The following LIMS2 variants were observed in gnomAD, a reference collection of about 807,000 sequenced individuals.
LIMS2 encodes the protein LIM zinc finger domain containing 2.
LIMS2 carries 30 observed loss-of-function variants against 45.3 expected under a neutral mutation model. That is an observed-to-expected ratio of 0.66 (90% CI 0.50 to 0.90). LIMS2 has a LOEUF of 0.90. Ranked by LOEUF, LIMS2 falls within the 40% of genes least tolerant of loss-of-function variation. The probability of loss-of-function intolerance (pLI) is 0.00; values close to 1 mark genes in which losing one functional copy is unlikely to be tolerated. For missense variants in LIMS2, 485 were observed against 468.7 expected, an observed-to-expected ratio of 1.03 and a Z score of -0.32; for synonymous variants, 173 against 188.0, an observed-to-expected ratio of 0.92 and a Z score of 0.65.
Position 127,654,536 on chromosome 2 carries a change from T to G in LIMS2, c.247A>C (p.Ile83Leu). The G allele has an allele frequency of 6.2e-7, 1 of 1,614,106 alleles. No individual in the cohort carries two copies. The highest frequency in any genetic ancestry group is 8.5e-7 in the Non-Finnish European group (1 of 1,179,994). The part of the protein sequence containing the change: ...APCCGSCGEF[I>L]IGRVIKAMNN... Reference sequence around the variant, plus strand: ...ATGGCCTTGATGACGCGGCCAATGATGAACTCACCTGGAAGAAGACAGGTC... The same window carrying G: ...ATGGCCTTGATGACGCGGCCAATGAGGAACTCACCTGGAAGAAGACAGGTC... The change falls in exon 4 of 10, where the codon ATC becomes CTC. Residue 83 changes from isoleucine (I) to leucine (L), a missense_variant. By Grantham distance (5) the Ile-to-Leu change is conservative. Transcript: ENST00000355119.
rs774382617 is a variant in LIMS2, at chr2:127,640,274, G to A, written c.798C>T (p.Gly266=). 29 of 1,613,222 alleles carry A rather than the reference G, an allele frequency of 1.8e-5. No homozygotes were observed. Among genetic ancestry groups the A allele is most frequent in the East Asian group, 1.6e-4 (7 of 44,896 alleles). Residue 266 remains glycine, a synonymous_variant, in exon 8 of 10, where the codon GGC becomes GGT. Transcript: ENST00000355119. The stretch of plus-strand genomic sequence containing the variant: ...GGAGGGAACACAGGGCCTCACCATC[G>A]CCTTCAATCACATGGCTGCAGTTGT... The part of the protein sequence containing the change: ...VCYNCSHVIE[G]DVVSALNKAW...
chr2:127,675,040 G>A lies in LIMS2; in HGVS notation c.-16C>T. The A allele has an allele frequency of 8.1e-7, 1 of 1,228,894 alleles. No homozygotes were observed. The highest frequency in any genetic ancestry group is 1.0e-6 in the Non-Finnish European group (1 of 984,960). 76.1% of individuals were successfully genotyped at this position (1,228,894 alleles called of 1,614,324 possible). ...TTCCCGTCATGGTGGCAGCGACGCC[G>A]AGCCCTGGGTTGCCGGGGTTGCCGC... On this transcript the variant is annotated 5_prime_UTR_variant, in exon 1 of 10. Coordinates refer to ENST00000355119, the MANE Select transcript of LIMS2 (RefSeq NM_001161403.3).
intron 1 of LIMS2, chr2:127,674,229 C>T (rs1685407112): frequency 1.3e-5 from 2 of 158,450 alleles, no homozygotes; most frequent in African/African-American, 4.8e-5. Context: ...TGAAGAACAG[C>T]ATCCCCCTGC....
At chr2:127,656,637 A>G (rs539419328) in intron 2 of LIMS2, among the ~76,000 whole-genome samples, 17 of 148,970 alleles carry the variant, frequency 1.1e-4, no homozygotes, top group African/African-American at 4.2e-4. Flanking sequence ...CTGGTCTTGA[A>G]CTCCTGACCT....
chr2:127,644,504 C>T (rs1426534492), intron 4 of LIMS2, among the ~76,000 whole-genome samples: 1 of 152,196 alleles, frequency 6.6e-6, no homozygotes, highest in Admixed American at 6.5e-5. Context: ...CTGAGCTGCC[C>T]CACCTGGCGC....
intron 7 of LIMS2, 112 bp downstream of exon 7, chr2:127,640,784 C>A: frequency 2.1e-6 from 2 of 956,770 alleles, no homozygotes; most frequent in Non-Finnish European, 3.3e-6. Flanking sequence ...CAGGCCTGGG[C>A]TCAGCACCTG....
intron 4 of LIMS2, chr2:127,651,660 T>G: frequency 6.2e-7 from 1 of 1,613,408 alleles, no homozygotes; most frequent in Non-Finnish European, 8.5e-7. Flanking sequence ...CCACGCCCTG[T>G]GCAACTTGCT....
chr2:127,650,094 C>T (rs1016445118), intron 4 of LIMS2: 1 of 1,591,156 alleles, frequency 6.3e-7, no homozygotes, highest in African/African-American at 1.3e-5. Flanking sequence ...AAAGAGTAGA[C>T]CTCTGACGTC....
intron 1 of LIMS2, among the ~76,000 whole-genome samples, chr2:127,663,803 G>A (rs914210061): frequency 2.6e-5 from 4 of 152,152 alleles, no homozygotes; most frequent in Non-Finnish European, 5.9e-5. Context: ...GACCCCAAGA[G>A]TGAGGGGAGG....
chr2:127,640,210 G>C (rs1288176268), intron 8 of LIMS2, 60 bp downstream of exon 8: 3 of 1,612,456 alleles, frequency 1.9e-6, no homozygotes, highest in South Asian at 1.1e-5. Context: ...TGGGCTCACA[G>C]CTGCAGCACC....
At position 127,664,900 on chromosome 2, in the gene LIMS2, G is replaced by C. The variant is rs544640803; in HGVS notation, c.12-7338C>G. Reference sequence around the variant, plus strand: ...CACATTCTGCTTTGCTCCCTTCTCTGAGACCCTCTGCCACAAACATCACCG... The same window carrying C: ...CACATTCTGCTTTGCTCCCTTCTCTCAGACCCTCTGCCACAAACATCACCG... On this transcript the variant is annotated intron_variant, in intron 1 of 9. Transcript: ENST00000355119. The surrounding 1 kb of genome is among the most constrained non-coding windows in gnomAD (Gnocchi z 5.5). 2.0e-5 allele frequency among the ~76,000 whole-genome samples: 3 copies of C among 152,330 alleles called. No individual in the cohort carries two copies. The highest frequency in any genetic ancestry group is 7.2e-5 in the African/African-American group (3 of 41,568).
rs1343971656 is a variant in LIMS2 at position 127,667,786 on chromosome 2, TC to T, written c.11+7227del. On this transcript the variant is annotated intron_variant, in intron 1 of 9. Coordinates refer to ENST00000355119, the MANE Select transcript of LIMS2 (RefSeq NM_001161403.3). The surrounding 1 kb of genome is among the most constrained non-coding windows in gnomAD (Gnocchi z 4.1). ...CTTTCCTCCTAAGGTCAGGGGGATT[TC>T]CAGTCCGCTATTTGTTTTCAACATT... Among the ~76,000 whole-genome samples, 1 of 152,240 alleles carries T rather than the reference TC, an allele frequency of 6.6e-6. No individual in the cohort carries two copies. The highest frequency in any genetic ancestry group is 2.4e-5 in the African/African-American group (1 of 41,462).
At chr2:127,660,928 T>TG (rs1288003373) in intron 1 of LIMS2, among the ~76,000 whole-genome samples, 489 of 8,944 alleles carry the variant, frequency 0.055, 1 homozygote, top group African/African-American at 0.13. Flanking sequence ...TAGGTGGGGG[T>TG]GGGGGGGGCG....
intron 2 of LIMS2, chr2:127,655,250 A>G: frequency 2.7e-6 from 1 of 367,284 alleles, no homozygotes; most frequent in South Asian, 2.7e-5. Flanking sequence ...GTGTAGTGTC[A>G]CTTGGTCCTA....
At chr2:127,651,264 C>T in intron 4 of LIMS2, 2 of 1,606,474 alleles carry the variant, frequency 1.2e-6, no homozygotes, top group Non-Finnish European at 1.7e-6. Flanking sequence ...GCAGACCAAC[C>T]ACACGGTGGT....
chr2:127,658,403 A>G (rs1684402014), intron 1 of LIMS2, among the ~76,000 whole-genome samples: 1 of 152,166 alleles, frequency 6.6e-6, no homozygotes, highest in Admixed American at 6.5e-5. Context: ...AAATAAATAA[A>G]AAAGACAAGA....
At position 127,657,478 on chromosome 2, in the gene LIMS2, A is replaced by G; in HGVS notation, c.96T>C (p.Asn32=). The G allele has an allele frequency of 1.2e-6, 2 of 1,613,736 alleles. No individual in the cohort carries two copies. The highest frequency in any genetic ancestry group is 8.5e-7 in the Non-Finnish European group (1 of 1,179,980). ...FSPAERIVNS[N]GELYHEHCFV... ...AGCAGTGCTCATGGTACAGCTCCCC[A>G]TTGCTGTTGACAATGCGCTCGGCGG... is the stretch of plus-strand genomic sequence containing the variant. The change falls in exon 2 of 10, where the codon AAT becomes AAC. Residue 32 remains asparagine (N), a synonymous_variant. Transcript: ENST00000355119.
intron 1 of LIMS2, among the ~76,000 whole-genome samples, chr2:127,662,157 G>A (rs1199460317): frequency 1.3e-5 from 2 of 152,096 alleles, no homozygotes; most frequent in African/African-American, 4.8e-5. Flanking sequence ...GACGCCCCCT[G>A]TCTGTGTGAC....
chr2:127,661,495 C>T (rs952144357), intron 1 of LIMS2, among the ~76,000 whole-genome samples: 4 of 152,236 alleles, frequency 2.6e-5, no homozygotes, highest in African/African-American at 9.6e-5. Context: ...GAGACGTGGA[C>T]ATTCCATGTC....
Sources: gnomAD v4.1 joint callset for allele counts (sites outside exome capture counted in the v4.1 genomes callset) on GRCh38, gnomAD v4.1.1 for gene constraint, Gnocchi (gnomAD v3.1) non-coding constraint, MANE v1.5 for transcripts, NCBI Gene and HGNC (gene_info 2026-07-23, HGNC 2026-07-21) for gene names.